PSMB7: variants seen among roughly 807,000 people sequenced by gnomAD.
PSMB7 encodes the protein proteasome subunit beta type-7.
PSMB7 carries 5 observed loss-of-function variants against 28.1 expected under a neutral mutation model. The observed-to-expected ratio is 0.18, with a 90% CI of 0.09 to 0.37. The LOEUF is 0.37. Ranked by LOEUF, PSMB7 falls within the 10% of genes least tolerant of loss-of-function variation. The probability of loss-of-function intolerance (pLI) is 1.00; values close to 1 mark genes in which losing one functional copy is unlikely to be tolerated. For synonymous variants in PSMB7, 122 were observed against 123.7 expected (o/e 0.99, Z 0.09); for missense variants, 275 against 346.2 (o/e 0.79, Z 1.63).
intron 6 of PSMB7, among the ~76,000 whole-genome samples, chr9:124,360,401 G>C (rs1830454472): frequency 6.6e-6 from 1 of 152,358 alleles, no homozygotes; most frequent in East Asian, 1.9e-4. Flanking sequence ...TCTGCCCGGG[G>C]ACAGCTGCTA....
chr9:124,363,723 C>G (rs1008868274), intron 6 of PSMB7, among the ~76,000 whole-genome samples: 2 of 152,006 alleles, frequency 1.3e-5, no homozygotes, highest in African/African-American at 4.8e-5. Context: ...GTACCAGGAT[C>G]TGGGTGACAC....
chr9:124,396,773 C>T (rs1206830424), intron 5 of PSMB7: 5 of 471,050 alleles, frequency 1.1e-5, no homozygotes, highest in Non-Finnish European at 2.2e-5. Context: ...CTACAAGGAA[C>T]ACTGCCAAGC....
chr9:124,412,247 G>C (rs1831035374), intron 4 of PSMB7, 105 bp downstream of exon 4: 2 of 1,147,114 alleles, frequency 1.7e-6, no homozygotes, highest in Non-Finnish European at 2.5e-6. Flanking sequence ...AACAAAATGT[G>C]TATTTCTGAA....
intron 6 of PSMB7, among the ~76,000 whole-genome samples, chr9:124,369,778 C>CCT (rs1830543742): frequency 6.6e-6 from 1 of 152,164 alleles, no homozygotes; most frequent in South Asian, 2.1e-4. Context: ...TCCCACCTTT[C>CCT]CTCACACCCC....
At chr9:124,402,696 TTAAG>T in intron 5 of PSMB7, among the ~76,000 whole-genome samples, 1 of 152,120 alleles carries the variant, frequency 6.6e-6, no homozygotes, top group African/African-American at 2.4e-5. Flanking sequence ...AGTCTGAAAT[TTAAG>T]TAAAAAAAAG....
At chr9:124,372,738 T>C (rs987772301) in intron 6 of PSMB7, among the ~76,000 whole-genome samples, 2 of 152,186 alleles carry the variant, frequency 1.3e-5, no homozygotes, top group African/African-American at 4.8e-5. Context: ...GCCACCACCA[T>C]TAACTGGGGT....
intron 5 of PSMB7, among the ~76,000 whole-genome samples, chr9:124,399,214 A>T (rs1384462037): frequency 1.3e-5 from 2 of 152,208 alleles, no homozygotes; most frequent in African/African-American, 4.8e-5. Context: ...GAGAATCAGA[A>T]AATTAATTCA....
At chr9:124,390,771 C>G (rs990364972) in intron 5 of PSMB7, among the ~76,000 whole-genome samples, 5 of 151,810 alleles carry the variant, frequency 3.3e-5, no homozygotes, top group African/African-American at 9.7e-5. Flanking sequence ...GAAGAAAATC[C>G]AACATTGTGA....
intron 4 of PSMB7, among the ~76,000 whole-genome samples, chr9:124,408,874 T>C (rs1015056683): frequency 6.6e-5 from 10 of 152,204 alleles, no homozygotes; most frequent in Non-Finnish European, 2.9e-5. Flanking sequence ...TTTTTTACAA[T>C]TATATTATTT....
At chr9:124,376,591 A>G (rs1379816278) in intron 6 of PSMB7, among the ~76,000 whole-genome samples, 1 of 152,238 alleles carries the variant, frequency 6.6e-6, no homozygotes, top group Admixed American at 6.5e-5. Flanking sequence ...ACCTCATCAG[A>G]GAAAAGAAAC....
At chr9:124,402,316 T>C (rs1409110556) in intron 5 of PSMB7, among the ~76,000 whole-genome samples, 2 of 152,230 alleles carry the variant, frequency 1.3e-5, no homozygotes. Context: ...GACACAAAGC[T>C]GTTTACCTAC....
rs143476699 is a variant in PSMB7 at position 124,415,099 on chromosome 9, G to A, written c.63-164C>T. 8.9e-4 allele frequency: 564 copies of A among 633,698 alleles called. 3 individuals carry two copies. The African/African-American group carries it at 9.6e-3, about 11-fold the overall frequency. The allele number at this position is 633,698 out of a possible 1,614,324, so 39.3% of individuals were successfully genotyped here. On this transcript the variant is annotated intron_variant, in intron 1 of 7. Coordinates refer to ENST00000259457, the MANE Select transcript of PSMB7 (RefSeq NM_002799.4). The stretch of plus-strand genomic sequence containing the variant: ...CAGCACTGTTCTCCCGTTTTCCAAC[G>A]AAGACAGTCTTACAAAGGGGCCGTG...
In PSMB7 at chr9:124,355,019, G is replaced by A. The variant is rs142651982; in HGVS notation, c.723-1310C>T. Among the ~76,000 whole-genome samples, 790 of 152,370 alleles carry A rather than the reference G, an allele frequency of 5.2e-3. 8 individuals carry two copies. Among genetic ancestry groups the A allele is most frequent in the African/African-American group, 0.018 (733 of 41,592 alleles). ...GACTTGCCAGGCAAGGCCCACTGGCGCATGGCACGGGATGCTTCCTCAGGC... is the reference window on the plus strand; with the variant it reads ...GACTTGCCAGGCAAGGCCCACTGGCACATGGCACGGGATGCTTCCTCAGGC... On this transcript the variant is annotated intron_variant, in intron 7 of 7. Coordinates refer to ENST00000259457, the MANE Select transcript of PSMB7 (RefSeq NM_002799.4).
chr9:124,365,459 G>A (rs1031089676), intron 6 of PSMB7, among the ~76,000 whole-genome samples: 5 of 152,208 alleles, frequency 3.3e-5, no homozygotes, highest in Admixed American at 2.6e-4. Flanking sequence ...GTAGTTCAGT[G>A]TGGCTGATTG....
chr9:124,367,709 A>T (rs1229933314), intron 6 of PSMB7, among the ~76,000 whole-genome samples: 1 of 152,184 alleles, frequency 6.6e-6, no homozygotes, highest in Non-Finnish European at 1.5e-5. Context: ...CAATTTCCCC[A>T]TCTGCAAAGG....
intron 6 of PSMB7, among the ~76,000 whole-genome samples, chr9:124,376,835 C>G (rs1238814679): frequency 1.3e-5 from 2 of 152,212 alleles, no homozygotes; most frequent in African/African-American, 4.8e-5. Context: ...AGTGTGTGAC[C>G]TCTGGCCAGT....
intron 6 of PSMB7, among the ~76,000 whole-genome samples, chr9:124,378,493 T>C (rs1830635309): frequency 6.6e-6 from 1 of 152,176 alleles, no homozygotes. Context: ...GCAGGACAGT[T>C]TGCCTTTGAA....
At chr9:124,357,261 C>A (rs1830418518) in intron 6 of PSMB7, among the ~76,000 whole-genome samples, 1 of 152,156 alleles carries the variant, frequency 6.6e-6, no homozygotes, top group Admixed American at 6.5e-5. Context: ...ACCACACCTA[C>A]TCAACTCTGT....
chr9:124,412,706 T>A (rs1217041815), intron 3 of PSMB7, among the ~76,000 whole-genome samples: 1 of 152,192 alleles, frequency 6.6e-6, no homozygotes. Context: ...TATGGCCCAA[T>A]GGAACACATG....
Sources: allele counts gnomAD v4.1 joint callset (sites outside exome capture counted in the v4.1 genomes callset), GRCh38; gene constraint gnomAD v4.1.1; transcripts MANE v1.5; gene names NCBI Gene and HGNC (gene_info 2026-07-23, HGNC 2026-07-21).